Variants in MTOR observed in about 807,000 individuals in gnomAD.
MTOR encodes the protein mechanistic target of rapamycin kinase.
In MTOR, 70 loss-of-function variants were observed where a neutral mutation model predicts 319.8. The ratio of observed to expected loss-of-function variants is 0.22; its 90% CI spans 0.18 to 0.27. MTOR has a LOEUF of 0.27. MTOR is among the 10% of genes least tolerant of loss of function. The pLI, the probability that MTOR is intolerant of heterozygous loss-of-function variation, is 1.00. For synonymous variants in MTOR, 1,183 were observed against 1,211.4 expected, an observed-to-expected ratio of 0.98 and a Z score of 0.49; for missense variants, 1,890 against 3,274.4, an observed-to-expected ratio of 0.58 and a Z score of 10.32.
At chr1:11,164,664 G>A (rs781126051) in intron 29 of MTOR, among the ~76,000 whole-genome samples, 3 of 152,158 alleles carry the variant, frequency 2.0e-5, no homozygotes, top group Non-Finnish European at 4.4e-5. Flanking sequence ...TCTACCAGTG[G>A]TACAAAGAGG....
chr1:11,261,209 T>C (rs999300042), intron 1 of MTOR, among the ~76,000 whole-genome samples: 2 of 151,540 alleles, frequency 1.3e-5, no homozygotes, highest in African/African-American at 4.8e-5. Flanking sequence ...AAGTAATTAG[T>C]TCCTGGCCGG....
intron 36 of MTOR, among the ~76,000 whole-genome samples, chr1:11,138,184 TAGG>T (rs1185927529): frequency 6.6e-6 from 1 of 152,178 alleles, no homozygotes; most frequent in Non-Finnish European, 1.5e-5. Flanking sequence ...AGGCTATACA[TAGG>T]AGGGAAACCA....
intron 19 of MTOR, among the ~76,000 whole-genome samples, chr1:11,222,623 T>A (rs1646706361): frequency 6.6e-6 from 1 of 152,168 alleles, no homozygotes; most frequent in Admixed American, 6.6e-5. Flanking sequence ...ACAGCCACCA[T>A]GCCCAGCCAA....
chr1:11,231,361 G>A lies in MTOR; in HGVS notation c.2588C>T (p.Thr863Ile). The part of the protein sequence containing the change: ...YVVEPYRKYP[T>I]LLEVLLNFLK... ...AAAATTCAGTAGCACCTCAAGCAAA[G>A]TAGGGTACTTCCTGTAGGGCTCTAC... Residue 863 changes from threonine to isoleucine, a missense_variant, in exon 17 of 58, where the codon ACT becomes ATT. Physicochemically the swap from Thr to Ile is moderately conservative, Grantham distance 89. Around this residue, in one of 15 missense-constraint regions of MTOR, gnomAD observed 377 missense variants for 653.9 expected, o/e 0.58. Transcript: ENST00000361445. 1 of 1,614,170 alleles carries A rather than the reference G, an allele frequency of 6.2e-7. No homozygotes were observed. Among genetic ancestry groups the A allele is most frequent in the South Asian group, 1.1e-5 (1 of 91,086 alleles).
Position 11,233,458 on chromosome 1 carries a change from G to A in MTOR, c.2361C>T (p.Asp787=), listed in dbSNP as rs1647091417. Residue 787 remains aspartate (D), a synonymous_variant, in exon 15 of 58, where the codon GAC becomes GAT. Transcript: ENST00000361445. ...TGATCACACCTGGGTTTGGATCAGG[G>A]TCTGGATCTTTCAGTTTCAAAATTA... ...KALILKLKDP[D]PDPNPGVINN... is the part of the protein sequence containing the mutation. The A allele has an allele frequency of 1.3e-5, 21 of 1,613,902 alleles. No individual in the cohort carries two copies. The highest frequency in any genetic ancestry group is 1.7e-5 in the Non-Finnish European group (20 of 1,179,976).
intron 29 of MTOR, among the ~76,000 whole-genome samples, chr1:11,165,777 G>A (rs561895900): frequency 7.2e-5 from 11 of 152,222 alleles, no homozygotes; most frequent in East Asian, 3.9e-4. Flanking sequence ...AAAAGAGCCC[G>A]CATCGCCAAG....
At chr1:11,110,852 G>C (rs1215114937) in intron 54 of MTOR, among the ~76,000 whole-genome samples, 1 of 152,178 alleles carries the variant, frequency 6.6e-6, no homozygotes, top group African/African-American at 2.4e-5. Context: ...TAACTTTTAA[G>C]CTAAACAACC....
At chr1:11,182,396 T>G (rs1213918285) in intron 28 of MTOR, among the ~76,000 whole-genome samples, 2 of 152,194 alleles carry the variant, frequency 1.3e-5, no homozygotes, top group Admixed American at 6.5e-5. Context: ...ATACTACTAC[T>G]TGGTACAATA....
At position 11,212,455 on chromosome 1, in the gene MTOR, C is replaced by T. The variant is rs777775951; in HGVS notation, c.3418G>A (p.Asp1140Asn). Residue 1140 changes from aspartate (D) to asparagine (N), a missense_variant, in exon 23 of 58, where the codon GAC becomes AAC. Asp to Asn is a conservative substitution (Grantham distance 23). Coordinates refer to ENST00000361445, the MANE Select transcript of MTOR (RefSeq NM_004958.4). The surrounding 1 kb of genome is among the most constrained non-coding windows in gnomAD (Gnocchi z 4.1). ...AAATCCAGGGACTCCGTCAGGCGGT[C>T]CACAGTCTCTAGCGCTGCCCTACAA... ...PSRKAALETVDRLTESLDFTD... is the reference protein window; with the variant it reads ...PSRKAALETVNRLTESLDFTD... The T allele has an allele frequency of 5.6e-6, 9 of 1,613,944 alleles. No individual in the cohort carries two copies. Among genetic ancestry groups the T allele is most frequent in the Non-Finnish European group, 7.6e-6 (9 of 1,179,914 alleles).
chr1:11,247,787 G>A (rs1471966805), intron 7 of MTOR, 32 bp downstream of exon 7: 2 of 1,612,250 alleles, frequency 1.2e-6, no homozygotes, highest in Admixed American at 3.3e-5. Flanking sequence ...GTGGAGCTTA[G>A]GAAAAGAGGG....
rs573634762 is a variant in MTOR, at chr1:11,192,375, G to A, written c.4253+6883C>T. 2.5e-6 allele frequency: 4 copies of A among 1,601,898 alleles called. No individual in the cohort carries two copies. The African/African-American group carries it at 5.4e-5, about 21-fold the overall frequency. On this transcript the variant is annotated intron_variant, in intron 28 of 57. Coordinates refer to ENST00000361445, the MANE Select transcript of MTOR (RefSeq NM_004958.4). ...CTGGGCAGCCCTGAACTGGAGGTGA[G>A]GTCATTACAGTCACTGGCCATGCCC...
At chr1:11,257,746 C>A (rs1468037527) in intron 3 of MTOR, among the ~76,000 whole-genome samples, 2 of 152,042 alleles carry the variant, frequency 1.3e-5, no homozygotes, top group East Asian at 1.9e-4. Context: ...TCCCCTACCC[C>A]CCAAAAAGGG....
rs769830135 is a variant in MTOR, at chr1:11,213,408, G to A, written c.3276C>T (p.Val1092=). ...FMHDNSPGRI[V]SIKLLAAIQL... is the part of the protein sequence containing the mutation. ...GACGTAGGCTACTCACCTTGATAGA[G>A]ACAATGCGGCCTGGGCTGTTGTCAT... Residue 1092 remains valine, a synonymous_variant, in exon 21 of 58, where the codon GTC becomes GTT. Coordinates refer to ENST00000361445, the MANE Select transcript of MTOR (RefSeq NM_004958.4). 34 of 1,612,032 alleles carry A rather than the reference G, an allele frequency of 2.1e-5. No individual in the cohort carries two copies. Among genetic ancestry groups the A allele is most frequent in the Non-Finnish European group, 2.8e-5 (33 of 1,179,784 alleles).
intron 46 of MTOR, 148 bp downstream of exon 46, chr1:11,126,474 C>T: frequency 1.1e-6 from 1 of 894,000 alleles, no homozygotes; most frequent in East Asian, 2.7e-5. Context: ...ATTTGCTTGC[C>T]CTCTATTTTC....
At chr1:11,132,001 T>C (rs1477755937) in intron 38 of MTOR, 1 of 152,258 alleles carries the variant, frequency 6.6e-6, no homozygotes. Flanking sequence ...GTATCTGCTA[T>C]GTGCCTGGCA....
chr1:11,157,019 C>T, intron 30 of MTOR, 133 bp downstream of exon 30: 1 of 1,172,964 alleles, frequency 8.5e-7, no homozygotes, highest in Non-Finnish European at 1.2e-6. Flanking sequence ...AAGATGATTC[C>T]TGAGAAGTAT....
intron 6 of MTOR, among the ~76,000 whole-genome samples, 198 bp downstream of exon 6, chr1:11,253,641 C>G (rs1159555651): frequency 6.6e-6 from 1 of 152,154 alleles, no homozygotes; most frequent in Non-Finnish European, 1.5e-5. Context: ...CTCCACTCAC[C>G]CCCTCCCCAT....
At chr1:11,172,903 A>G (rs892738267) in intron 28 of MTOR, among the ~76,000 whole-genome samples, 3 of 151,790 alleles carry the variant, frequency 2.0e-5, no homozygotes, top group Admixed American at 2.0e-4. Context: ...TAAACTCATG[A>G]AAAATGAACA....
Position 11,258,606 on chromosome 1 carries a change from A to G in MTOR, c.163-13T>C. On this transcript the variant is annotated splice_polypyrimidine_tract_variant and intron_variant, in intron 2 of 57. Transcript: ENST00000361445. Reference sequence around the variant, plus strand: ...CCTCTTGACTCATCTGCAAAAGAAGATATAATCAGAACAATTTCTAATAAT... The same window carrying G: ...CCTCTTGACTCATCTGCAAAAGAAGGTATAATCAGAACAATTTCTAATAAT... 6.3e-7 allele frequency: 1 copy of G among 1,582,228 alleles called. No individual in the cohort carries two copies.
Sources: gnomAD v4.1 joint callset for allele counts (sites outside exome capture counted in the v4.1 genomes callset) on GRCh38, gnomAD v4.1.1 for gene constraint, gnomAD v4.1.1 regional missense constraint, Gnocchi (gnomAD v3.1) non-coding constraint, MANE v1.5 for transcripts, NCBI Gene and HGNC (gene_info 2026-07-23, HGNC 2026-07-21) for gene names.